The following RPS6KC1 variants were observed in gnomAD, a reference collection of about 807,000 sequenced individuals.
RPS6KC1 encodes the protein inactive ribosomal protein S6 kinase delta-1.
RPS6KC1 carries 54 observed loss-of-function variants against 103.8 expected under a neutral mutation model. The observed-to-expected ratio is 0.52, with a 90% CI of 0.42 to 0.65. The LOEUF is 0.65. Ranked by LOEUF, RPS6KC1 falls within the 30% of genes least tolerant of loss-of-function variation. The pLI is 0.00. For missense variants in RPS6KC1, 1,151 were observed against 1,253.8 expected, an observed-to-expected ratio of 0.92 and a Z score of 1.24; for synonymous variants, 439 against 438.7, an observed-to-expected ratio of 1.00 and a Z score of -0.01.
chr1:213,170,417 C>G (rs930692445), intron 7 of RPS6KC1, among the ~76,000 whole-genome samples: 1 of 152,148 alleles, frequency 6.6e-6, no homozygotes, highest in Non-Finnish European at 1.5e-5. Context: ...TCTTTTAAGA[C>G]TGTATATAGA....
chr1:213,054,626 G>C (rs892498410), intron 1 of RPS6KC1, among the ~76,000 whole-genome samples: 13 of 152,160 alleles, frequency 8.5e-5, no homozygotes, highest in African/African-American at 3.1e-4. Flanking sequence ...TAGGAGTAGA[G>C]TTTTAATCAT....
At chr1:213,249,361 G>A (rs1160867235) in intron 12 of RPS6KC1, among the ~76,000 whole-genome samples, 1 of 152,154 alleles carries the variant, frequency 6.6e-6, no homozygotes, top group Non-Finnish European at 1.5e-5. Context: ...AGGTTACCAG[G>A]TCTTATTCCT....
intron 3 of RPS6KC1, among the ~76,000 whole-genome samples, chr1:213,087,025 A>G (rs2080459327): frequency 6.6e-6 from 1 of 152,180 alleles, no homozygotes; most frequent in Non-Finnish European, 1.5e-5. Flanking sequence ...TGATTATTAT[A>G]GTACTAGTTA....
At chr1:213,724,613 G>A in the RPS6KC1 span, among the ~76,000 whole-genome samples, 1 of 152,156 alleles carries the variant, frequency 6.6e-6, no homozygotes, top group African/African-American at 2.4e-5. Flanking sequence ...AAGCCTGACA[G>A]TTTGAGCCAG....
the RPS6KC1 span, among the ~76,000 whole-genome samples, chr1:213,624,938 A>G: frequency 6.6e-6 from 1 of 152,158 alleles, no homozygotes; most frequent in African/African-American, 2.4e-5. Context: ...AGTCTATAGC[A>G]TAGATTAAGC....
the RPS6KC1 span, among the ~76,000 whole-genome samples, chr1:213,847,098 T>G: frequency 6.6e-6 from 1 of 152,182 alleles, no homozygotes; most frequent in Non-Finnish European, 1.5e-5. Context: ...ACAGTTGGCC[T>G]CTGGAAGAAA....
chr1:213,602,028 C>CTTTCTTTCTT, the RPS6KC1 span, among the ~76,000 whole-genome samples: 34 of 11,896 alleles, frequency 2.9e-3, 7 homozygotes, highest in African/African-American at 2.8e-3. Context: ...TTCTTTCTTT[C>CTTTCTTTCTT]TCTTTCTCTT....
At chr1:213,563,308 A>G in the RPS6KC1 span, among the ~76,000 whole-genome samples, 2 of 152,024 alleles carry the variant, frequency 1.3e-5, no homozygotes, top group African/African-American at 4.8e-5. Context: ...TCTTTTATAT[A>G]TCTTTTTTTC....
chr1:213,346,421 A>T, the RPS6KC1 span, among the ~76,000 whole-genome samples: 2 of 152,190 alleles, frequency 1.3e-5, no homozygotes. Flanking sequence ...AGTATTAGGG[A>T]GTTAAATTTT....
At chr1:213,733,548 GTT>G in the RPS6KC1 span, among the ~76,000 whole-genome samples, 5 of 142,176 alleles carry the variant, frequency 3.5e-5, no homozygotes, top group African/African-American at 5.2e-5. Flanking sequence ...TTTTTAGTTT[GTT>G]TTTTTTTTTT....
chr1:213,728,937 G>GTTGTTTTTTTTTTT, the RPS6KC1 span, among the ~76,000 whole-genome samples: 1 of 93,416 alleles, frequency 1.1e-5, no homozygotes, highest in African/African-American at 4.8e-5. Context: ...GAACATGAGG[G>GTTGTTTTTTTTTTT]TTTTTTTTTT....
chr1:213,562,191 T>G, the RPS6KC1 span, among the ~76,000 whole-genome samples: 1 of 152,164 alleles, frequency 6.6e-6, no homozygotes, highest in Non-Finnish European at 1.5e-5. Context: ...CAAAGACTTT[T>G]CATAATTAAC....
the RPS6KC1 span, among the ~76,000 whole-genome samples, chr1:213,531,273 C>G: frequency 6.7e-6 from 1 of 148,784 alleles, no homozygotes; most frequent in Non-Finnish European, 1.5e-5. Flanking sequence ...GTCCCATGAC[C>G]TATTCCTGGA....
the RPS6KC1 span, among the ~76,000 whole-genome samples, chr1:213,749,740 T>G: frequency 6.6e-6 from 1 of 152,204 alleles, no homozygotes; most frequent in African/African-American, 2.4e-5. Flanking sequence ...AGCACCACTT[T>G]TAACTGCCAC....
chr1:213,138,084 T>C (rs6657234), intron 6 of RPS6KC1, among the ~76,000 whole-genome samples: 109,404 of 151,618 alleles, frequency 0.72, 40,169 homozygotes, highest in African/African-American at 0.85. Flanking sequence ...TTGGTGGCCA[T>C]TGTTGTCCTC....
chr1:213,606,412 T>C, the RPS6KC1 span, among the ~76,000 whole-genome samples: 1 of 152,202 alleles, frequency 6.6e-6, no homozygotes, highest in Non-Finnish European at 1.5e-5. Flanking sequence ...TCACATTCTG[T>C]TCCTGGGTCT....
the RPS6KC1 span, among the ~76,000 whole-genome samples, chr1:213,473,731 T>G: frequency 1.3e-5 from 2 of 152,202 alleles, no homozygotes; most frequent in African/African-American, 4.8e-5. Flanking sequence ...GAATACTACT[T>G]AGGACTTTCA....
rs537282945 is a variant in RPS6KC1 at position 213,256,760 on chromosome 1, G to T, written c.2912-4798G>T. On this transcript the variant is annotated intron_variant, in intron 12 of 14. Transcript: ENST00000366960. ...ACATTGGTCATTATTTACCTGTTAT[G>T]GACCCTGGCAGAAGATTACTTAGGG... Among the ~76,000 whole-genome samples, 7 of 152,228 alleles carry T rather than the reference G, an allele frequency of 4.6e-5. 1 individual carries two copies. In the South Asian group the frequency reaches 1.5e-3, roughly 32 times the overall value.
intron 14 of RPS6KC1, among the ~76,000 whole-genome samples, chr1:213,270,260 A>G (rs1186242574): frequency 6.6e-6 from 1 of 152,220 alleles, no homozygotes; most frequent in Non-Finnish European, 1.5e-5. Flanking sequence ...TAGACCCTTC[A>G]TACTGTTTGC....
Sources: gnomAD v4.1 joint callset for allele counts (sites outside exome capture counted in the v4.1 genomes callset) on GRCh38, gnomAD v4.1.1 for gene constraint, MANE v1.5 for transcripts, NCBI Gene and HGNC (gene_info 2026-07-23, HGNC 2026-07-21) for gene names.